The following IGSF21 variants were observed in gnomAD, a reference collection of about 807,000 sequenced individuals.
IGSF21 encodes immunoglobulin superfamily member 21.
IGSF21 carries 28 observed loss-of-function variants against 46.8 expected under a neutral mutation model. The observed-to-expected ratio is 0.60, with a 90% CI of 0.44 to 0.82. IGSF21 has a LOEUF of 0.82. IGSF21 is among the 40% of genes least tolerant of loss of function. IGSF21 has a pLI of 0.00. For missense variants in IGSF21, 624 were observed against 665.5 expected (o/e 0.94, Z 0.69); for synonymous variants, 284 against 273.6 (o/e 1.04, Z -0.38).
intron 2 of IGSF21, among the ~76,000 whole-genome samples, chr1:18,285,950 T>A (rs531987894): frequency 6.6e-6 from 1 of 152,310 alleles, no homozygotes; most frequent in African/African-American, 2.4e-5. Context: ...CTCTGTGTGT[T>A]CACTCTTACG....
At chr1:18,170,959 A>G (rs2124458410) in intron 1 of IGSF21, among the ~76,000 whole-genome samples, 1 of 152,288 alleles carries the variant, frequency 6.6e-6, no homozygotes, top group East Asian at 1.9e-4. Context: ...GGAATCAGAG[A>G]GGAGGACAAT....
rs2085746161 is a variant in IGSF21, at chr1:18,334,542, G to A, written c.306-350G>A. On this transcript the variant is annotated intron_variant, in intron 3 of 9. Coordinates refer to ENST00000251296, the MANE Select transcript of IGSF21 (RefSeq NM_032880.5). The surrounding 1 kb of genome is among the most constrained non-coding windows in gnomAD (Gnocchi z 4.3). ...GTTTTGGTCCCATACTGCATGCAGC[G>A]ACATACTAAATGCCCATACCTCTTC... Among the ~76,000 whole-genome samples the A allele has an allele frequency of 2.6e-5, 4 of 152,130 alleles. No individual in the cohort carries two copies. Among genetic ancestry groups the A allele is most frequent in the African/African-American group, 9.7e-5 (4 of 41,412 alleles).
chr1:18,236,637 C>T (rs1373070369), intron 2 of IGSF21, among the ~76,000 whole-genome samples: 1 of 152,156 alleles, frequency 6.6e-6, no homozygotes, highest in East Asian at 1.9e-4. Flanking sequence ...CAGTGCTAGA[C>T]CCTTGGGCAC....
At chr1:18,169,901 T>C (rs1482935030) in intron 1 of IGSF21, among the ~76,000 whole-genome samples, 1 of 151,632 alleles carries the variant, frequency 6.6e-6, no homozygotes, top group African/African-American at 2.4e-5. Flanking sequence ...GCAGGGTTTT[T>C]TGGCGGGGGA....
intron 2 of IGSF21, among the ~76,000 whole-genome samples, chr1:18,263,152 A>T (rs1020253991): frequency 6.6e-6 from 1 of 152,208 alleles, no homozygotes; most frequent in Non-Finnish European, 1.5e-5. Context: ...ACTTGGGGAA[A>T]TAAAAGAACA....
At chr1:18,292,088 T>C in intron 3 of IGSF21, 101 bp downstream of exon 3, 2 of 1,279,456 alleles carry the variant, frequency 1.6e-6, no homozygotes, top group East Asian at 4.7e-5. Context: ...AATCCCTCGG[T>C]GCTCTTGGGC....
At chr1:18,209,089 G>A (rs2124488974) in intron 1 of IGSF21, among the ~76,000 whole-genome samples, 1 of 152,320 alleles carries the variant, frequency 6.6e-6, no homozygotes, top group Admixed American at 6.5e-5. Flanking sequence ...GTCTACATGA[G>A]TGTGCACATA....
intron 1 of IGSF21, among the ~76,000 whole-genome samples, chr1:18,190,567 C>T (rs2086945625): frequency 6.6e-6 from 1 of 152,286 alleles, no homozygotes; most frequent in African/African-American, 2.4e-5. Context: ...AACGTGGGGC[C>T]GATAAGCCTG....
intron 1 of IGSF21, among the ~76,000 whole-genome samples, chr1:18,220,997 C>T (rs1278037773): frequency 6.6e-6 from 1 of 152,088 alleles, no homozygotes; most frequent in Non-Finnish European, 1.5e-5. Context: ...CAGGGGCGTG[C>T]ATATTAGAGA....
chr1:18,319,326 G>A (rs1311005437), intron 3 of IGSF21, among the ~76,000 whole-genome samples: 1 of 152,240 alleles, frequency 6.6e-6, no homozygotes, highest in Non-Finnish European at 1.5e-5. Flanking sequence ...GAATTTGTGT[G>A]TAACACACCT....
At chr1:18,176,219 G>A (rs894949366) in intron 1 of IGSF21, 1 of 152,248 alleles carries the variant, frequency 6.6e-6, no homozygotes, top group African/African-American at 2.4e-5. Flanking sequence ...GTGTCACATG[G>A]TTGAGCTGCT....
At chr1:18,179,714 G>T (rs1280776733) in intron 1 of IGSF21, among the ~76,000 whole-genome samples, 4 of 152,044 alleles carry the variant, frequency 2.6e-5, no homozygotes, top group South Asian at 2.1e-4. Flanking sequence ...GGGGGTGAGG[G>T]TCTCCAGGGG....
rs188027344 is a variant in IGSF21 at position 18,214,861 on chromosome 1, C to G, written c.71-13037C>G. 5.4e-4 allele frequency among the ~76,000 whole-genome samples: 82 copies of G among 152,288 alleles called. 3 individuals carry two copies. Among genetic ancestry groups the G allele is most frequent in the Middle Eastern group, 3.4e-3 (1 of 294 alleles). Reference sequence around the variant, plus strand: ...GGGTTCAAGCAATTCTCCTGCCTAGCCTCCCAAGTAGCTGGGACTACAGGT... The same window carrying G: ...GGGTTCAAGCAATTCTCCTGCCTAGGCTCCCAAGTAGCTGGGACTACAGGT... On this transcript the variant is annotated intron_variant, in intron 1 of 9. Coordinates refer to ENST00000251296, the MANE Select transcript of IGSF21 (RefSeq NM_032880.5).
chr1:18,151,422 T>C (rs1239929106), intron 1 of IGSF21, among the ~76,000 whole-genome samples: 1 of 152,188 alleles, frequency 6.6e-6, no homozygotes, highest in African/African-American at 2.4e-5. Flanking sequence ...GGATCCTCTG[T>C]ATTCAGTCTG....
intron 2 of IGSF21, among the ~76,000 whole-genome samples, chr1:18,261,882 G>A (rs1306578753): frequency 6.6e-6 from 1 of 152,206 alleles, no homozygotes; most frequent in Admixed American, 6.5e-5. Flanking sequence ...TATTGTCAGG[G>A]GAGTGTGGAT....
At chr1:18,343,221 G>A (rs1015897600) in intron 4 of IGSF21, among the ~76,000 whole-genome samples, 1 of 152,164 alleles carries the variant, frequency 6.6e-6, no homozygotes, top group Non-Finnish European at 1.5e-5. Flanking sequence ...CCTTTCCTGT[G>A]CTTCTTGGCC....
At position 18,349,934 on chromosome 1, in the gene IGSF21, C is replaced by T. The variant is rs115001955; in HGVS notation, c.425-12181C>T. Among the ~76,000 whole-genome samples, 944 of 152,032 alleles carry T rather than the reference C, an allele frequency of 6.2e-3. 5 individuals are homozygous for T. The highest frequency in any genetic ancestry group is 0.021 in the African/African-American group (869 of 41,456). ...TAAATTACAAATATAACAAATCACA[C>T]GACGAAAATGAGGTGCAGCAGGGAT... On this transcript the variant is annotated intron_variant, in intron 4 of 9. Coordinates refer to ENST00000251296, the MANE Select transcript of IGSF21 (RefSeq NM_032880.5).
At chr1:18,310,000 G>GC (rs1228012349) in intron 3 of IGSF21, among the ~76,000 whole-genome samples, 1 of 152,108 alleles carries the variant, frequency 6.6e-6, no homozygotes, top group Non-Finnish European at 1.5e-5. Flanking sequence ...TGGGCCAAGG[G>GC]GGCTCTGGAC....
intron 7 of IGSF21, 80 bp downstream of exon 7, chr1:18,376,475 C>A: frequency 1.0e-6 from 1 of 989,458 alleles, no homozygotes; most frequent in Non-Finnish European, 1.6e-6. Context: ...CCTGGCAGTC[C>A]TCTCTAACAC....
Sources: allele counts gnomAD v4.1 joint callset (sites outside exome capture counted in the v4.1 genomes callset), GRCh38; gene constraint gnomAD v4.1.1; non-coding constraint Gnocchi (gnomAD v3.1); transcripts MANE v1.5; gene names NCBI Gene and HGNC (gene_info 2026-07-23, HGNC 2026-07-21).